The following DHX37 variants were observed in gnomAD, a reference collection of about 807,000 sequenced individuals.
DHX37 encodes the protein probable ATP-dependent RNA helicase DHX37.
Under a neutral mutation model 134.3 loss-of-function variants are expected in DHX37, and 52 were observed. The observed-to-expected ratio is 0.39, with a 90% confidence interval of 0.31 to 0.49. The LOEUF (loss-of-function observed/expected upper bound fraction) is 0.49. Among genes scored for constraint, DHX37 ranks in the 20% least tolerant of loss-of-function variants. The pLI, the probability that DHX37 is intolerant of heterozygous loss-of-function variation, is 0.93. For missense variants in DHX37, 1,344 were observed against 1,580.8 expected, an observed-to-expected ratio of 0.85 and a Z score of 2.54; for synonymous variants, 634 against 670.7, an observed-to-expected ratio of 0.95 and a Z score of 0.85.
rs759411582 is a variant in DHX37, at chr12:124,947,843, G to A, written c.3433C>T (p.Pro1145Ser). 2 of 1,606,058 alleles carry A rather than the reference G, an allele frequency of 1.2e-6. No individual in the cohort carries two copies. Among genetic ancestry groups the A allele is most frequent in the Non-Finnish European group, 1.7e-6 (2 of 1,175,598 alleles). The part of the protein sequence containing the change: ...YCEWLPQAMH[P>S]DIEKAWPPTT... ...GGGGGCCAGGCTTTCTCGATATCGG[G>A]GTGCATGGCCTGTGGAAGCCACTCA... Residue 1145 changes from proline to serine, a missense_variant, in exon 27 of 27, where the codon CCC becomes TCC. Physicochemically the swap from Pro to Ser is moderately conservative, Grantham distance 74. Around this residue, in one of 7 missense-constraint regions of DHX37, gnomAD observed 558 missense variants for 650.0 expected, o/e 0.86. Coordinates refer to ENST00000308736, the MANE Select transcript of DHX37 (RefSeq NM_032656.4).
At chr12:124,987,470 C>A (rs1954896747) in intron 1 of DHX37, among the ~76,000 whole-genome samples, 1 of 152,234 alleles carries the variant, frequency 6.6e-6, no homozygotes, top group Non-Finnish European at 1.5e-5. Flanking sequence ...CCCCAAATCT[C>A]TGGGTCTGAG....
intron 10 of DHX37, among the ~76,000 whole-genome samples, chr12:124,967,849 A>T (rs1025906868): frequency 1.3e-5 from 2 of 152,022 alleles, no homozygotes; most frequent in Non-Finnish European, 2.9e-5. Context: ...CAGGCAGCTC[A>T]CCTGAGGTCA....
chr12:124,974,319 C>T (rs952161606), intron 6 of DHX37, among the ~76,000 whole-genome samples: 3 of 151,970 alleles, frequency 2.0e-5, no homozygotes, highest in African/African-American at 4.8e-5. Flanking sequence ...TTTTCCTAGA[C>T]GCATGCCAAC....
chr12:124,964,365 G>T, intron 15 of DHX37, 29 bp downstream of exon 15: 1 of 1,610,056 alleles, frequency 6.2e-7, no homozygotes, highest in Non-Finnish European at 8.5e-7. Context: ...CGGCACCAAC[G>T]TCCCTGAGGA....
chr12:124,971,233 C>T (rs1442615616), intron 8 of DHX37, 69 bp downstream of exon 8: 1 of 1,562,358 alleles, frequency 6.4e-7, no homozygotes, highest in African/African-American at 1.4e-5. Context: ...GTGAAGGAAG[C>T]CCAAGCCTCT....
At position 124,950,194 on chromosome 12, in the gene DHX37, C is replaced by A. The variant is rs1953947464; in HGVS notation, c.3171G>T (p.Gly1057=). ...GGGCAAAGTGCTTGTAGCGGTCAATCCCCTCTGGAAAATCCACCTCGATGG... is the reference window on the plus strand; with the variant it reads ...GGGCAAAGTGCTTGTAGCGGTCAATACCCTCTGGAAAATCCACCTCGATGG... ...LPAIEVDFPE[G]IDRYKHFARF... Residue 1057 remains glycine (G), a synonymous_variant, in exon 24 of 27, where the codon GGG becomes GGT. Coordinates refer to ENST00000308736, the MANE Select transcript of DHX37 (RefSeq NM_032656.4). 6 of 1,614,062 alleles carry A rather than the reference C, an allele frequency of 3.7e-6. No homozygotes were observed. The highest frequency in any genetic ancestry group is 5.1e-6 in the Non-Finnish European group (6 of 1,180,036).
Position 124,960,294 on chromosome 12 carries a change from C to T in DHX37, c.2157+18G>A. ...TCCACTGGGGTGGCTGAGAGCGGGGCTGGGGGCAGCAACTGACCTTTTCAA... is the reference window on the plus strand; with the variant it reads ...TCCACTGGGGTGGCTGAGAGCGGGGTTGGGGGCAGCAACTGACCTTTTCAA... On this transcript the variant is annotated intron_variant, in intron 16 of 26. Coordinates refer to ENST00000308736, the MANE Select transcript of DHX37 (RefSeq NM_032656.4). 4 of 1,606,522 alleles carry T rather than the reference C, an allele frequency of 2.5e-6. No homozygotes were observed. The highest frequency in any genetic ancestry group is 3.4e-6 in the Non-Finnish European group (4 of 1,174,374).
At chr12:124,969,866 A>C (rs544330999) in intron 8 of DHX37, among the ~76,000 whole-genome samples, 59 of 151,860 alleles carry the variant, frequency 3.9e-4, no homozygotes, top group African/African-American at 1.4e-3. Flanking sequence ...GGTTGCAGTG[A>C]GCTGTGATTG....
At position 124,972,494 on chromosome 12, in the gene DHX37, ACAAC is replaced by A. The variant is rs1161719883; in HGVS notation, c.1077+5_1077+8del. On this transcript the variant is annotated splice_donor_5th_base_variant and intron_variant, in intron 7 of 26. Coordinates refer to ENST00000308736, the MANE Select transcript of DHX37 (RefSeq NM_032656.4). ...GGCCTTGCTCTGTGAGCCAGGATCC[ACAAC>A]CAACCTTCTGGATTTCTTTAAGCAG... The A allele has an allele frequency of 1.2e-6, 2 of 1,614,012 alleles. No homozygotes were observed. The highest frequency in any genetic ancestry group is 1.7e-6 in the Non-Finnish European group (2 of 1,179,982).
At chr12:124,951,605 T>A (rs1038737167) in intron 21 of DHX37, among the ~76,000 whole-genome samples, 1 of 152,218 alleles carries the variant, frequency 6.6e-6, no homozygotes. Context: ...TGGGTTTAAA[T>A]GCAGGCCAGA....
At chr12:124,963,567 G>A (rs1404601063) in intron 15 of DHX37, among the ~76,000 whole-genome samples, 1 of 152,124 alleles carries the variant, frequency 6.6e-6, no homozygotes, top group Non-Finnish European at 1.5e-5. Flanking sequence ...CCTGACCTCA[G>A]TAGCAGAATA....
At chr12:124,966,465 A>C (rs1163855687) in intron 12 of DHX37, among the ~76,000 whole-genome samples, 2 of 152,176 alleles carry the variant, frequency 1.3e-5, no homozygotes, top group African/African-American at 2.4e-5. Context: ...CTGGGCTCAG[A>C]TGGTTCTCCC....
Position 124,956,937 on chromosome 12 carries a change from G to T in DHX37, c.2265-58C>A, listed in dbSNP as rs1954110158. ...AGAGGAGCTCTGGAGCCACAGCTGG[G>T]AGGCCCCACGCTTGAGGCAGCTCAG... is the stretch of plus-strand genomic sequence containing the variant. On this transcript the variant is annotated intron_variant, in intron 17 of 26. Transcript: ENST00000308736. 5 of 1,542,628 alleles carry T rather than the reference G, an allele frequency of 3.2e-6. 1 individual carries two copies. In the South Asian group the frequency reaches 6.2e-5, roughly 19 times the overall value.
intron 16 of DHX37, 30 bp downstream of exon 16, chr12:124,960,282 C>T: frequency 1.3e-6 from 2 of 1,598,506 alleles, no homozygotes; most frequent in Non-Finnish European, 8.6e-7. Context: ...ACTGGGGTGG[C>T]TGAGAGCGGG....
At position 124,968,889 on chromosome 12, in the gene DHX37, G is replaced by A. The variant is rs1954456362; in HGVS notation, c.1271C>T (p.Ala424Val). The stretch of plus-strand genomic sequence containing the variant: ...TACCTTGATGACCGGCGGCGGCTTG[G>A]CGAAGAGCCGTGGGTTCTGGGTGAA... ...EDFTQNPRLF[A>V]KPPPVIKVES... Residue 424 changes from alanine (A) to valine (V), a missense_variant, in exon 9 of 27, where the codon GCC (alanine) becomes GTC (valine). Around this residue, in one of 7 missense-constraint regions of DHX37, gnomAD observed 289 missense variants for 323.8 expected, o/e 0.89. Transcript: ENST00000308736. 6.2e-7 allele frequency: 1 copy of A among 1,614,094 alleles called. No individual in the cohort carries two copies. The highest frequency in any genetic ancestry group is 8.5e-7 in the Non-Finnish European group (1 of 1,180,034).
At position 124,972,492 on chromosome 12, in the gene DHX37, C is replaced by T. The variant is rs181309414; in HGVS notation, c.1077+11G>A. On this transcript the variant is annotated intron_variant, in intron 7 of 26. Coordinates refer to ENST00000308736, the MANE Select transcript of DHX37 (RefSeq NM_032656.4). Reference sequence around the variant, plus strand: ...CTGGCCTTGCTCTGTGAGCCAGGATCCACAACCAACCTTCTGGATTTCTTT... The same window carrying T: ...CTGGCCTTGCTCTGTGAGCCAGGATTCACAACCAACCTTCTGGATTTCTTT... 1.2e-6 allele frequency: 2 copies of T among 1,614,074 alleles called. No homozygotes were observed. The highest frequency in any genetic ancestry group is 1.7e-6 in the Non-Finnish European group (2 of 1,179,934).
intron 15 of DHX37, among the ~76,000 whole-genome samples, chr12:124,961,756 G>C (rs769761516): frequency 2.0e-5 from 3 of 152,022 alleles, no homozygotes; most frequent in Non-Finnish European, 2.9e-5. Flanking sequence ...AATAATAAAA[G>C]GACAAATAAC....
At chr12:124,961,300 A>G (rs1448089320) in intron 15 of DHX37, among the ~76,000 whole-genome samples, 2 of 141,068 alleles carry the variant, frequency 1.4e-5, no homozygotes, top group African/African-American at 5.4e-5. Flanking sequence ...ACACGCGTGC[A>G]CGCACGCACA....
In DHX37 at chr12:124,971,315, G is replaced by C. The variant is rs1225242177; in HGVS notation, c.1178C>G (p.Thr393Ser). The change falls in exon 8 of 27, where the codon ACT becomes AGT. Residue 393 changes from threonine (T) to serine (S), a missense_variant. Thr to Ser is a moderately conservative substitution (Grantham distance 58). Transcript: ENST00000308736. ...CTCCTGCGCTACCTTAGCCCGGAGA[G>C]TCACAATGCGGGACAGGAGGCCGAT... ...ILIGLLSRIV[T>S]LRAKRNLPLK... The C allele has an allele frequency of 6.2e-7, 1 of 1,612,758 alleles. No individual in the cohort carries two copies. The highest frequency in any genetic ancestry group is 1.3e-5 in the African/African-American group (1 of 74,904).
Sources: gnomAD v4.1 joint callset for allele counts (sites outside exome capture counted in the v4.1 genomes callset) on GRCh38, gnomAD v4.1.1 for gene constraint, gnomAD v4.1.1 regional missense constraint, MANE v1.5 for transcripts, NCBI Gene and HGNC (gene_info 2026-07-23, HGNC 2026-07-21) for gene names.